MGMT: variants seen among roughly 807,000 people sequenced by gnomAD.
The protein encoded by MGMT is O-6-methylguanine-DNA methyltransferase.
MGMT carries 14 observed loss-of-function variants against 15.9 expected under a neutral mutation model. The ratio of observed to expected loss-of-function variants is 0.88; its 90% CI spans 0.58 to 1.37. The LOEUF (loss-of-function observed/expected upper bound fraction) is 1.37, where lower values mean the gene tolerates loss of function less well. MGMT is among the 40% of genes most tolerant of loss of function. MGMT has a pLI of 0.00. For missense variants in MGMT, 282 were observed against 268.1 expected (o/e 1.05, Z -0.36); for synonymous variants, 130 against 118.2 (o/e 1.10, Z -0.65).
chr10:129,567,881 C>T (rs750103687), intron 2 of MGMT, among the ~76,000 whole-genome samples: 5 of 152,088 alleles, frequency 3.3e-5, no homozygotes, highest in South Asian at 2.1e-4. Flanking sequence ...AGGTTTTTGC[C>T]GCAACAAACA....
At chr10:129,540,360 T>C (rs1371616462) in intron 2 of MGMT, among the ~76,000 whole-genome samples, 1 of 152,238 alleles carries the variant, frequency 6.6e-6, no homozygotes, top group Non-Finnish European at 1.5e-5. Flanking sequence ...CTGATTGTTA[T>C]GCTTTAATTT....
At chr10:129,581,815 G>A (rs114456840) in intron 2 of MGMT, among the ~76,000 whole-genome samples, 5,654 of 152,320 alleles carry the variant, frequency 0.037, 140 homozygotes, top group South Asian at 0.064. Context: ...TCCTCCTGGA[G>A]ACAAAACCAT....
At chr10:129,624,989 GGAAA>G (rs1847130628) in intron 2 of MGMT, among the ~76,000 whole-genome samples, 1 of 152,068 alleles carries the variant, frequency 6.6e-6, no homozygotes, top group African/African-American at 2.4e-5. Flanking sequence ...TTATGTCCTT[GGAAA>G]GAGTCGTAAA....
At chr10:129,671,004 C>T (rs577667742) in intron 2 of MGMT, among the ~76,000 whole-genome samples, 1 of 152,288 alleles carries the variant, frequency 6.6e-6, no homozygotes, top group Non-Finnish European at 1.5e-5. Flanking sequence ...CTGTAGCCTT[C>T]TTTATGTGAT....
intron 2 of MGMT, among the ~76,000 whole-genome samples, chr10:129,539,256 A>G (rs1056416101): frequency 1.3e-5 from 2 of 151,928 alleles, no homozygotes; most frequent in African/African-American, 4.8e-5. Context: ...TTATGTTTAG[A>G]TATATGTGAT....
intron 3 of MGMT, among the ~76,000 whole-genome samples, chr10:129,719,426 G>A (rs372179321): frequency 5.3e-5 from 8 of 152,252 alleles, no homozygotes; most frequent in African/African-American, 1.4e-4. Context: ...CCAAAACAAA[G>A]TGATGCCAAC....
intron 2 of MGMT, among the ~76,000 whole-genome samples, chr10:129,546,206 C>T (rs1040943029): frequency 2.2e-4 from 34 of 152,352 alleles, no homozygotes; most frequent in Admixed American, 2.2e-3. Flanking sequence ...AATGTGCAGC[C>T]CCACCTGCAG....
intron 1 of MGMT, among the ~76,000 whole-genome samples, chr10:129,499,728 CACAG>C (rs1180069747): frequency 1.1e-4 from 17 of 152,308 alleles, no homozygotes; most frequent in East Asian, 1.9e-4. Context: ...TGCTATAGAA[CACAG>C]ACAGTCAGAA....
chr10:129,751,796 G>A (rs921376939), intron 3 of MGMT, among the ~76,000 whole-genome samples: 4 of 151,866 alleles, frequency 2.6e-5, no homozygotes, highest in Non-Finnish European at 4.4e-5. Context: ...TATGTTTACT[G>A]TTCAAATGTT....
chr10:129,677,978 A>G (rs1187020645), intron 2 of MGMT, among the ~76,000 whole-genome samples: 1 of 152,202 alleles, frequency 6.6e-6, no homozygotes, highest in Non-Finnish European at 1.5e-5. Context: ...CCAGCCAGCC[A>G]TGAGGTCATA....
intron 2 of MGMT, among the ~76,000 whole-genome samples, chr10:129,642,989 C>G (rs1357393262): frequency 2.6e-5 from 4 of 152,148 alleles, no homozygotes; most frequent in Non-Finnish European, 5.9e-5. Flanking sequence ...ATAGGTGATG[C>G]ACCTCCCATG....
At position 129,476,543 on chromosome 10, in the gene MGMT, G is replaced by C. The variant is rs532400293; in HGVS notation, c.-13+9247G>C. 2.3e-4 allele frequency among the ~76,000 whole-genome samples: 35 copies of C among 152,222 alleles called. No homozygotes were observed. In the South Asian group the frequency reaches 4.8e-3, roughly 21 times the overall value. Reference sequence around the variant, plus strand: ...CCCAGGAATCCCATGGCTCCTGGGGGAACCGCTGCCTGGGGCAGTGCTGGT... The same window carrying C: ...CCCAGGAATCCCATGGCTCCTGGGGCAACCGCTGCCTGGGGCAGTGCTGGT... On this transcript the variant is annotated intron_variant, in intron 1 of 4. Transcript: ENST00000651593.
intron 2 of MGMT, among the ~76,000 whole-genome samples, chr10:129,688,983 G>C (rs1847941399): frequency 6.6e-6 from 1 of 151,840 alleles, no homozygotes; most frequent in African/African-American, 2.4e-5. Flanking sequence ...TTTGAGACAG[G>C]GTCTCGCTGT....
At chr10:129,575,900 T>C (rs1589875115) in intron 2 of MGMT, among the ~76,000 whole-genome samples, 1 of 151,648 alleles carries the variant, frequency 6.6e-6, no homozygotes, top group African/African-American at 2.4e-5. Context: ...GAGAATACTA[T>C]AAACACCTCT....
At chr10:129,610,568 C>T (rs1846948305) in intron 2 of MGMT, among the ~76,000 whole-genome samples, 1 of 152,234 alleles carries the variant, frequency 6.6e-6, no homozygotes, top group Non-Finnish European at 1.5e-5. Context: ...TTTCCTTGCT[C>T]TATTTTTTAC....
intron 2 of MGMT, among the ~76,000 whole-genome samples, chr10:129,579,095 G>C (rs1846521989): frequency 6.6e-6 from 1 of 152,136 alleles, no homozygotes; most frequent in Admixed American, 6.5e-5. Context: ...AACAGATTAG[G>C]ATGATTTTAA....
Position 129,520,954 on chromosome 10 carries a change from TA to T in MGMT, c.-12-15286del, listed in dbSNP as rs1424444055. Among the ~76,000 whole-genome samples, 3 of 151,060 alleles carry T rather than the reference TA, an allele frequency of 2.0e-5. No individual in the cohort carries two copies. In the East Asian group the frequency reaches 5.9e-4, roughly 30 times the overall value. On this transcript the variant is annotated intron_variant, in intron 1 of 4. Transcript: ENST00000651593. ...GGGTACACAGCCCCTAAGGTGTGCC[TA>T]CAGAGCCCCTACGGTGAGGGTGCAG...
intron 2 of MGMT, among the ~76,000 whole-genome samples, chr10:129,613,421 G>A (rs1039859355): frequency 6.6e-6 from 1 of 152,168 alleles, no homozygotes; most frequent in Non-Finnish European, 1.5e-5. Context: ...GAAGGAAATG[G>A]TGCCCCTTTC....
chr10:129,765,238 G>A (rs1848920026), intron 4 of MGMT, among the ~76,000 whole-genome samples: 2 of 152,116 alleles, frequency 1.3e-5, no homozygotes, highest in South Asian at 2.1e-4. Context: ...GCTGTTGCCT[G>A]GGAGGCTCTC....
Sources: allele counts gnomAD v4.1 joint callset (sites outside exome capture counted in the v4.1 genomes callset), GRCh38; gene constraint gnomAD v4.1.1; transcripts MANE v1.5; gene names NCBI Gene and HGNC (gene_info 2026-07-23, HGNC 2026-07-21).